The following HDAC4 variants were observed in gnomAD, a reference collection of about 807,000 sequenced individuals.
HDAC4 encodes the protein histone deacetylase A.
In HDAC4, 16 loss-of-function variants were observed where a neutral mutation model predicts 135.1. That is an observed-to-expected ratio of 0.12 (90% CI 0.08 to 0.18). The LOEUF (loss-of-function observed/expected upper bound fraction) is 0.18. Ranked by LOEUF, HDAC4 falls within the 10% of genes least tolerant of loss-of-function variation. The pLI is 1.00. For missense variants in HDAC4, 1,143 were observed against 1,511.8 expected (o/e 0.76, Z 4.05); for synonymous variants, 685 against 653.4 (o/e 1.05, Z -0.74).
chr2:239,276,249 G>A (rs556090374), intron 2 of HDAC4, among the ~76,000 whole-genome samples: 1 of 152,368 alleles, frequency 6.6e-6, no homozygotes, highest in South Asian at 2.1e-4. Flanking sequence ...GAACCAGAGA[G>A]CGGGTGCGGA....
In HDAC4 at chr2:239,156,688, A is replaced by G. The variant is rs373260967; in HGVS notation, c.697T>C (p.Tyr233His). ...TSYNHPVLGM[Y>H]DAKDDFPLRK... is the part of the protein sequence containing the mutation. ...AGAGGGAAGTCATCTTTGGCGTCGTACATTCCCAGGACCGGGTGGTTATAG... is the reference window on the plus strand; with the variant it reads ...AGAGGGAAGTCATCTTTGGCGTCGTGCATTCCCAGGACCGGGTGGTTATAG... Residue 233 changes from tyrosine to histidine, a missense_variant, in exon 7 of 27, where the codon TAC becomes CAC. Physicochemically the swap from Tyr to His is moderately conservative, Grantham distance 83. Transcript: ENST00000543185. 3 of 1,614,052 alleles carry G rather than the reference A, an allele frequency of 1.9e-6. No individual in the cohort carries two copies. The highest frequency in any genetic ancestry group is 2.7e-5 in the African/African-American group (2 of 74,914).
At chr2:239,184,957 G>T (rs1162962200) in intron 4 of HDAC4, among the ~76,000 whole-genome samples, 1 of 124,850 alleles carries the variant, frequency 8.0e-6, no homozygotes, top group Non-Finnish European at 1.6e-5. Context: ...TGGAGGATGT[G>T]TCCTATGGGG....
rs144923183 is a variant in HDAC4 at position 239,295,627 on chromosome 2, T to C, written c.22+57051A>G. Among the ~76,000 whole-genome samples the C allele has an allele frequency of 7.9e-3, 1,210 of 152,348 alleles. 14 individuals carry two copies. The highest frequency in any genetic ancestry group is 0.012 in the Non-Finnish European group (823 of 68,030). On this transcript the variant is annotated intron_variant, in intron 2 of 26. Transcript: ENST00000543185. ...GAGAAAGCTCTTGGCATTCTCACTT[T>C]GTAATTTGCTGTTTCCTTTCAAGCT...
chr2:239,053,080 G>A lies in HDAC4; in HGVS notation c.*17C>T. ...ACAGAGACAGACAGACAAGAGAACA[G>A]CAGCTTCGAGGGAGTGCTACAGGGG... On this transcript the variant is annotated 3_prime_UTR_variant, in exon 27 of 27. Transcript: ENST00000543185. The A allele has an allele frequency of 6.2e-7, 1 of 1,614,070 alleles. No individual in the cohort carries two copies. The highest frequency in any genetic ancestry group is 8.5e-7 in the Non-Finnish European group (1 of 1,179,862).
rs760823990 is a variant in HDAC4 at position 239,146,526 on chromosome 2, G to A, written c.734-1812C>T. On this transcript the variant is annotated intron_variant, in intron 7 of 26. Coordinates refer to ENST00000543185, the MANE Select transcript of HDAC4 (RefSeq NM_001378414.1). This position sits in a 1 kb window ranked among gnomAD's most constrained non-coding sequence, Gnocchi z 4.5. ...CACTCCAGGCTACCATGGACTGGCT[G>A]TGGTACTGCAGCCCAGTGCACCGCC... Among the ~76,000 whole-genome samples, 10 of 152,196 alleles carry A rather than the reference G, an allele frequency of 6.6e-5. No homozygotes were observed. Among genetic ancestry groups the A allele is most frequent in the Non-Finnish European group, 1.3e-4 (9 of 68,026 alleles).
chr2:239,095,713 C>T (rs576112809), intron 16 of HDAC4, among the ~76,000 whole-genome samples: 4 of 152,302 alleles, frequency 2.6e-5, no homozygotes, highest in South Asian at 4.1e-4. Flanking sequence ...GCGCCTGCTC[C>T]GGCAGTGAAA....
intron 3 of HDAC4, among the ~76,000 whole-genome samples, chr2:239,203,593 G>A (rs542987058): frequency 1.3e-5 from 2 of 152,230 alleles, no homozygotes; most frequent in South Asian, 2.1e-4. Context: ...TGAACTGAAC[G>A]TCCACGGTCT....
At chr2:239,372,467 T>G (rs1389772415) in intron 1 of HDAC4, among the ~76,000 whole-genome samples, 1 of 152,234 alleles carries the variant, frequency 6.6e-6, no homozygotes, top group East Asian at 1.9e-4. Context: ...GGGTCCTTCC[T>G]TGGGCTGGGC....
At chr2:239,236,840 A>C (rs2047916187) in intron 2 of HDAC4, among the ~76,000 whole-genome samples, 176 bp from the exon 3 acceptor site, 1 of 86,436 alleles carries the variant, frequency 1.2e-5, no homozygotes, top group Non-Finnish European at 2.1e-5. Flanking sequence ...CCAATGTAGA[A>C]TAATCAAAAT....
chr2:239,217,213 C>A (rs1476078310), intron 3 of HDAC4, among the ~76,000 whole-genome samples: 1 of 152,144 alleles, frequency 6.6e-6, no homozygotes, highest in African/African-American at 2.4e-5. Context: ...CAGGAGCCGG[C>A]AGCATCGCTC....
chr2:239,139,916 A>T lies in HDAC4; in HGVS notation c.866-120T>A. 1 of 712,914 alleles carries T rather than the reference A, an allele frequency of 1.4e-6. No individual in the cohort carries two copies. The highest frequency in any genetic ancestry group is 1.6e-5 in the South Asian group (1 of 62,796). 44.2% of individuals were successfully genotyped at this position (712,914 alleles called of 1,614,324 possible). On this transcript the variant is annotated intron_variant, in intron 8 of 26. Transcript: ENST00000543185. This position sits in a 1 kb window ranked among gnomAD's most constrained non-coding sequence, Gnocchi z 5.3. ...TGCTCGTTAGCTTGCGACAGGCAGA[A>T]GTCCCAACAAAAAGAACATGGCCAT...
chr2:239,371,266 C>T (rs931035585), intron 1 of HDAC4, among the ~76,000 whole-genome samples: 1 of 152,214 alleles, frequency 6.6e-6, no homozygotes, highest in African/African-American at 2.4e-5. Context: ...CAAACTCACA[C>T]ACTCAATCAC....
At chr2:239,093,023 A>G (rs1019986870) in intron 17 of HDAC4, among the ~76,000 whole-genome samples, 2 of 152,062 alleles carry the variant, frequency 1.3e-5, no homozygotes, top group Non-Finnish European at 2.9e-5. Context: ...CAGGGCTGGG[A>G]GGCCTTTGGG....
In HDAC4 at chr2:239,156,644, G is replaced by A. The variant is rs2152951122; in HGVS notation, c.733+8C>T. ...ACCTCCCGGCCCACAGCATGCCTGG[G>A]CACTGACCTGTTTTCCTAAGAGGGA... On this transcript the variant is annotated splice_region_variant and intron_variant, in intron 7 of 26. Transcript: ENST00000543185. The A allele has an allele frequency of 6.2e-7, 1 of 1,614,100 alleles. No individual in the cohort carries two copies. The highest frequency in any genetic ancestry group is 8.5e-7 in the Non-Finnish European group (1 of 1,179,990).
At chr2:239,254,447 G>C (rs967109274) in intron 2 of HDAC4, among the ~76,000 whole-genome samples, 1 of 150,510 alleles carries the variant, frequency 6.6e-6, no homozygotes, top group East Asian at 1.9e-4. Flanking sequence ...ATGAAGAAGA[G>C]AAACTATCAT....
In HDAC4 at chr2:239,166,054, T is replaced by C. The variant is rs549010149; in HGVS notation, c.491-2131A>G. 1.6e-4 allele frequency among the ~76,000 whole-genome samples: 24 copies of C among 152,362 alleles called. No homozygotes were observed. In the South Asian group the frequency reaches 3.5e-3, roughly 22 times the overall value. ...TAAATGATTAATATCATTAGAAAGA[T>C]GTCTTTTCCTTGCCACCTTCATCAC... On this transcript the variant is annotated intron_variant, in intron 5 of 26. Transcript: ENST00000543185.
At chr2:239,227,083 C>G (rs2153147042) in intron 3 of HDAC4, among the ~76,000 whole-genome samples, 1 of 152,362 alleles carries the variant, frequency 6.6e-6, no homozygotes, top group South Asian at 2.1e-4. Flanking sequence ...GCAAAGCTGA[C>G]CCATCAGCCA....
chr2:239,370,245 T>C, intron 1 of HDAC4, among the ~76,000 whole-genome samples: 1 of 152,156 alleles, frequency 6.6e-6, no homozygotes, highest in Middle Eastern at 3.2e-3. Context: ...AGAGTGGTGC[T>C]AGAGGTCCAA....
Position 239,082,170 on chromosome 2 carries a change from C to G in HDAC4, c.2584G>C (p.Val862Leu). The change falls in exon 21 of 27, where the codon GTC (valine) becomes CTC (leucine). Residue 862 changes from valine to leucine, a missense_variant. Around this residue, in one of 9 missense-constraint regions of HDAC4, gnomAD observed 189 missense variants for 317.6 expected, o/e 0.60. Coordinates refer to ENST00000543185, the MANE Select transcript of HDAC4 (RefSeq NM_001378414.1). ...TQQAFYSDPS[V>L]LYMSLHRYDD... is the part of the protein sequence containing the mutation. The stretch of plus-strand genomic sequence containing the variant: ...TAGCGGTGGAGGGACATGTACAGGA[C>G]GCTGGGGTCGCTGTAGAAAGCCTGC... The G allele has an allele frequency of 6.2e-7, 1 of 1,614,102 alleles. No homozygotes were observed. Among genetic ancestry groups the G allele is most frequent in the Non-Finnish European group, 8.5e-7 (1 of 1,179,994 alleles).
Sources: allele counts gnomAD v4.1 joint callset (sites outside exome capture counted in the v4.1 genomes callset), GRCh38; gene constraint gnomAD v4.1.1; regional missense constraint gnomAD v4.1.1; non-coding constraint Gnocchi (gnomAD v3.1); transcripts MANE v1.5; gene names NCBI Gene and HGNC (gene_info 2026-07-23, HGNC 2026-07-21).